The following GPD2 variants were observed in gnomAD, a reference collection of about 807,000 sequenced individuals.
GPD2 encodes the protein glycerol-3-phosphate dehydrogenase 2.
A neutral mutation model predicts 82.4 loss-of-function variants in GPD2; 54 were observed. The ratio of observed to expected loss-of-function variants is 0.66; its 90% CI spans 0.53 to 0.82. The LOEUF (loss-of-function observed/expected upper bound fraction) is 0.82, where lower values mean the gene tolerates loss of function less well. Among genes scored for constraint, GPD2 ranks in the 40% least tolerant of loss-of-function variants. GPD2 has a pLI of 0.00. For missense variants in GPD2, 748 were observed against 896.2 expected, an observed-to-expected ratio of 0.83 and a Z score of 2.11; for synonymous variants, 288 against 306.1, an observed-to-expected ratio of 0.94 and a Z score of 0.62.
In GPD2 at chr2:156,513,480, A is replaced by C; in HGVS notation, c.645A>C (p.Ala215=). Residue 215 remains alanine (A), a synonymous_variant, in exon 6 of 17, where the codon GCA becomes GCC. Transcript: ENST00000438166. The part of the protein sequence containing the change: ...PMLQKDKLVG[A]IVYYDGQHND... ...TCCAGAAGGACAAACTGGTAGGAGC[A>C]ATTGTCTACTATGACGGTATGTGAT... is the stretch of plus-strand genomic sequence containing the variant. 1 of 1,612,704 alleles carries C rather than the reference A, an allele frequency of 6.2e-7. No homozygotes were observed. Among genetic ancestry groups the C allele is most frequent in the Non-Finnish European group, 8.5e-7 (1 of 1,178,854 alleles).
At position 156,510,776 on chromosome 2, in the gene GPD2, T is replaced by G. The variant is rs1330380074; in HGVS notation, c.275-20T>G. 13 of 1,603,878 alleles carry G rather than the reference T, an allele frequency of 8.1e-6. No homozygotes were observed. Among genetic ancestry groups the G allele is most frequent in the Non-Finnish European group, 1.1e-5 (13 of 1,170,884 alleles). On this transcript the variant is annotated intron_variant, in intron 3 of 16. Transcript: ENST00000438166. ...AAATTGTGTAATTTAAGAAGTTAAT[T>G]TGGTTTTCTGGTTACACAGGACTAA...
At chr2:156,499,138 G>T (rs757106694) in intron 3 of GPD2, among the ~76,000 whole-genome samples, 8 of 152,120 alleles carry the variant, frequency 5.3e-5, no homozygotes, top group Non-Finnish European at 1.2e-4. Context: ...AAACAAATAC[G>T]AGGTGAGATG....
chr2:156,444,033 ACT>A (rs890135726), intron 1 of GPD2, among the ~76,000 whole-genome samples: 1 of 152,220 alleles, frequency 6.6e-6, no homozygotes, highest in African/African-American at 2.4e-5. Flanking sequence ...GGCTTTGGTC[ACT>A]GTCTGGACCT....
intron 6 of GPD2, among the ~76,000 whole-genome samples, chr2:156,527,610 G>A (rs1685662041): frequency 6.6e-6 from 1 of 151,946 alleles, no homozygotes; most frequent in Non-Finnish European, 1.5e-5. Flanking sequence ...ACTGGAAAGT[G>A]TTACTAGTAT....
At chr2:156,407,952 T>A in the GPD2 span, among the ~76,000 whole-genome samples, 1 of 133,446 alleles carries the variant, frequency 7.5e-6, no homozygotes, top group Non-Finnish European at 1.6e-5. Flanking sequence ...TAATTTTTTT[T>A]TTTTTTTTTT....
chr2:156,409,412 G>A, the GPD2 span, among the ~76,000 whole-genome samples: 1 of 152,126 alleles, frequency 6.6e-6, no homozygotes, highest in African/African-American at 2.4e-5. Context: ...ATAGTAGAAA[G>A]TCTGCTGAGT....
At chr2:156,471,588 C>A (rs1330484898) in intron 1 of GPD2, among the ~76,000 whole-genome samples, 2 of 152,146 alleles carry the variant, frequency 1.3e-5, no homozygotes, top group African/African-American at 2.4e-5. Flanking sequence ...CTTTCTCCAC[C>A]AATTGTCTTT....
intron 1 of GPD2, among the ~76,000 whole-genome samples, chr2:156,442,513 A>G (rs1682209789): frequency 6.6e-6 from 1 of 152,238 alleles, no homozygotes. Flanking sequence ...TTTTAACTGA[A>G]TAAAAGAAAG....
At chr2:156,503,401 T>A (rs1478503560) in intron 3 of GPD2, among the ~76,000 whole-genome samples, 1 of 152,164 alleles carries the variant, frequency 6.6e-6, no homozygotes, top group Non-Finnish European at 1.5e-5. Flanking sequence ...GTCCATTGAG[T>A]TTTAATCTTA....
the GPD2 span, among the ~76,000 whole-genome samples, chr2:156,423,857 G>A: frequency 4.6e-5 from 7 of 152,046 alleles, no homozygotes; most frequent in Non-Finnish European, 7.4e-5. Flanking sequence ...ATCTCCTACC[G>A]CTAAGAGCAG....
At chr2:156,561,042 T>TTTTTTTTTTG (rs1687152074) in intron 9 of GPD2, among the ~76,000 whole-genome samples, 1 of 108,616 alleles carries the variant, frequency 9.2e-6, no homozygotes. Flanking sequence ...ACATTAAGCT[T>TTTTTTTTTTG]TTTTTTTTTT....
At chr2:156,522,602 T>TA (rs1447806238) in intron 6 of GPD2, among the ~76,000 whole-genome samples, 2 of 152,184 alleles carry the variant, frequency 1.3e-5, no homozygotes, top group African/African-American at 4.8e-5. Context: ...ATTGTACATA[T>TA]ATGCCATATA....
chr2:156,563,398 A>G (rs892273769), intron 9 of GPD2, among the ~76,000 whole-genome samples: 8 of 152,294 alleles, frequency 5.3e-5, no homozygotes, highest in Admixed American at 2.6e-4. Context: ...TTTGAGCTGT[A>G]AAGCATAGAG....
chr2:156,416,590 TGG>T, the GPD2 span, among the ~76,000 whole-genome samples: 1 of 150,688 alleles, frequency 6.6e-6, no homozygotes, highest in African/African-American at 2.4e-5. Flanking sequence ...CTCAAACTCC[TGG>T]GCTCAAGCAA....
intron 16 of GPD2, among the ~76,000 whole-genome samples, chr2:156,581,737 C>G (rs1688032214): frequency 1.3e-5 from 2 of 152,094 alleles, no homozygotes; most frequent in Non-Finnish European, 1.5e-5. Flanking sequence ...TTTAATGACA[C>G]TTTTGCATGT....
chr2:156,510,176 GT>G (rs1187191467), intron 3 of GPD2, among the ~76,000 whole-genome samples: 15 of 152,252 alleles, frequency 9.9e-5, no homozygotes, highest in African/African-American at 3.1e-4. Flanking sequence ...ATGTTCAAAG[GT>G]TTTAAATTAG....
chr2:156,529,577 A>G (rs1399510648), intron 6 of GPD2, among the ~76,000 whole-genome samples: 4 of 152,120 alleles, frequency 2.6e-5, no homozygotes, highest in Non-Finnish European at 5.9e-5. Flanking sequence ...TTTAATTCTA[A>G]CGTTTAAGTC....
intron 6 of GPD2, among the ~76,000 whole-genome samples, chr2:156,540,334 G>T (rs984226876): frequency 1.3e-5 from 2 of 152,148 alleles, no homozygotes; most frequent in African/African-American, 4.8e-5. Context: ...CCTCTAGATC[G>T]AAGACTGTTG....
intron 6 of GPD2, among the ~76,000 whole-genome samples, chr2:156,533,177 G>A (rs1336650942): frequency 1.3e-5 from 2 of 152,246 alleles, no homozygotes; most frequent in Non-Finnish European, 2.9e-5. Flanking sequence ...TGTCCAGAGT[G>A]AAACAGGTAT....
Sources: gnomAD v4.1 joint callset for allele counts (sites outside exome capture counted in the v4.1 genomes callset) on GRCh38, gnomAD v4.1.1 for gene constraint, MANE v1.5 for transcripts, NCBI Gene and HGNC (gene_info 2026-07-23, HGNC 2026-07-21) for gene names.